Variants in CRIM1 observed in about 807,000 individuals in gnomAD.
CRIM1 encodes cysteine-rich motor neuron 1 protein.
Under a neutral mutation model 116.4 loss-of-function variants are expected in CRIM1, and 32 were observed. The observed-to-expected ratio is 0.27, with a 90% CI of 0.21 to 0.37. The LOEUF (loss-of-function observed/expected upper bound fraction) is 0.37, where lower values mean the gene tolerates loss of function less well. Among genes scored for constraint, CRIM1 ranks in the 10% least tolerant of loss-of-function variants. The pLI is 1.00. For synonymous variants in CRIM1, 590 were observed against 509.2 expected, an observed-to-expected ratio of 1.16 and a Z score of -2.13; for missense variants, 1,331 against 1,354.8, an observed-to-expected ratio of 0.98 and a Z score of 0.28.
At chr2:36,402,947 T>C (rs896580529) in intron 2 of CRIM1, among the ~76,000 whole-genome samples, 2 of 152,180 alleles carry the variant, frequency 1.3e-5, no homozygotes, top group African/African-American at 2.4e-5. Context: ...TGTAATTCAG[T>C]AACTCATTAA....
chr2:36,361,540 G>C (rs1192498506), intron 1 of CRIM1, among the ~76,000 whole-genome samples: 5 of 152,136 alleles, frequency 3.3e-5, no homozygotes, highest in African/African-American at 1.2e-4. Context: ...GAGGTAATGA[G>C]GGGGTGGACT....
In CRIM1 at chr2:36,518,404, T is replaced by C. The variant is rs185866452; in HGVS notation, c.2206+862T>C. On this transcript the variant is annotated intron_variant, in intron 12 of 16. Coordinates refer to ENST00000280527, the MANE Select transcript of CRIM1 (RefSeq NM_016441.3). ...TTCTGCTCAGCAAAACATAAACCCT[T>C]GTATTTTATTACTTCTTTTTTTTAA... Among the ~76,000 whole-genome samples the C allele has an allele frequency of 5.3e-5, 8 of 152,356 alleles. 1 individual carries two copies. Among genetic ancestry groups the C allele is most frequent in the African/African-American group, 1.9e-4 (8 of 41,570 alleles).
chr2:36,371,100 G>A (rs1217998326), intron 1 of CRIM1, among the ~76,000 whole-genome samples: 5 of 152,296 alleles, frequency 3.3e-5, no homozygotes, highest in Non-Finnish European at 7.3e-5. Flanking sequence ...ACTAAGGCCA[G>A]CAACTGGAAA....
chr2:36,442,946 A>G, intron 4 of CRIM1, among the ~76,000 whole-genome samples: 1 of 152,164 alleles, frequency 6.6e-6, no homozygotes, highest in East Asian at 1.9e-4. Context: ...GTTAAACCTT[A>G]TAGATTCTTT....
intron 2 of CRIM1, among the ~76,000 whole-genome samples, chr2:36,400,087 G>T (rs753846919): frequency 6.6e-6 from 1 of 152,182 alleles, no homozygotes; most frequent in Non-Finnish European, 1.5e-5. Flanking sequence ...TAGAAAGAGA[G>T]AGAGGGAGTC....
intron 7 of CRIM1, among the ~76,000 whole-genome samples, chr2:36,482,056 C>G (rs144499787): frequency 1.3e-5 from 2 of 152,304 alleles, no homozygotes; most frequent in East Asian, 3.9e-4. Context: ...CTTCTAGAGC[C>G]TCAGGTCTGG....
chr2:36,454,350 T>C (rs767578327), intron 4 of CRIM1, among the ~76,000 whole-genome samples: 4 of 152,140 alleles, frequency 2.6e-5, no homozygotes, highest in Admixed American at 1.3e-4. Context: ...AAACTGCCAC[T>C]CACACCCCTC....
In CRIM1 at chr2:36,356,124, G is replaced by C. The variant is rs1668775160; in HGVS notation, c.-169G>C. The C allele has an allele frequency of 6.2e-6, 1 of 161,418 alleles. No individual in the cohort carries two copies. The highest frequency in any genetic ancestry group is 1.3e-5 in the Non-Finnish European group (1 of 75,792). The allele number at this position is 161,418 out of a possible 1,614,324, so 10.0% of individuals were successfully genotyped here. A position where few individuals can be genotyped will look rare whatever the true frequency, so the allele number is the denominator to read the frequency against. ...GGGGTCGGCGCGGCCCGCAGAAGGG[G>C]CGGGGGCCTCGCCCCGCGAGGGGAG... On this transcript the variant is annotated 5_prime_UTR_variant, in exon 1 of 17. Transcript: ENST00000280527. This position sits in a 1 kb window ranked among gnomAD's most constrained non-coding sequence, Gnocchi z 4.3.
chr2:36,441,108 T>G, intron 2 of CRIM1, 150 bp from the exon 3 acceptor site: 2 of 1,042,022 alleles, frequency 1.9e-6, no homozygotes, highest in Non-Finnish European at 2.7e-6. Flanking sequence ...TTTTCATTGT[T>G]AGTTAAACTA....
At chr2:36,458,246 A>G (rs1378012107) in intron 4 of CRIM1, among the ~76,000 whole-genome samples, 1 of 152,160 alleles carries the variant, frequency 6.6e-6, no homozygotes, top group African/African-American at 2.4e-5. Flanking sequence ...ACTATGGGGA[A>G]TGTTAGGATA....
intron 2 of CRIM1, among the ~76,000 whole-genome samples, chr2:36,436,531 G>A (rs544764104): frequency 1.1e-4 from 16 of 152,272 alleles, no homozygotes; most frequent in African/African-American, 2.2e-4. Flanking sequence ...TTACTGGCTC[G>A]TAGTAGATTT....
rs537994724 is a variant in CRIM1 at position 36,523,924 on chromosome 2, C to T, written c.2428+1611C>T. Among the ~76,000 whole-genome samples, 7 of 152,272 alleles carry T rather than the reference C, an allele frequency of 4.6e-5. 1 individual carries two copies. The highest frequency in any genetic ancestry group is 1.7e-4 in the African/African-American group (7 of 41,558). On this transcript the variant is annotated intron_variant, in intron 13 of 16. Coordinates refer to ENST00000280527, the MANE Select transcript of CRIM1 (RefSeq NM_016441.3). ...GTGTTGGTATATGAGATGGAAATGCCTGTTCTTAGGAATTTTACACAGATT... is the reference window on the plus strand; with the variant it reads ...GTGTTGGTATATGAGATGGAAATGCTTGTTCTTAGGAATTTTACACAGATT...
At chr2:36,495,456 C>A (rs1012800051) in intron 7 of CRIM1, among the ~76,000 whole-genome samples, 2 of 149,882 alleles carry the variant, frequency 1.3e-5, no homozygotes, top group Non-Finnish European at 3.0e-5. Context: ...CTCCCTCAAG[C>A]CTCTTTATTT....
chr2:36,532,704 C>T lies in CRIM1; in HGVS notation c.2429-4648C>T, dbSNP rs562039051. On this transcript the variant is annotated intron_variant, in intron 13 of 16. Coordinates refer to ENST00000280527, the MANE Select transcript of CRIM1 (RefSeq NM_016441.3). ...TGCTGGCGGACTGTGGAACCAGACC[C>T]GCTGTGGTTCCCCTCCTCACCCTGC... is the stretch of plus-strand genomic sequence containing the variant. 1.9e-4 allele frequency among the ~76,000 whole-genome samples: 29 copies of T among 152,284 alleles called. No individual in the cohort carries two copies. In the East Asian group the frequency reaches 5.0e-3, roughly 26 times the overall value.
intron 14 of CRIM1, among the ~76,000 whole-genome samples, chr2:36,540,836 A>G (rs1666894731): frequency 6.6e-6 from 1 of 152,196 alleles, no homozygotes; most frequent in African/African-American, 2.4e-5. Flanking sequence ...AAATTCAGGT[A>G]GTGGTGGTAG....
chr2:36,379,746 T>C (rs1169293981), intron 1 of CRIM1, among the ~76,000 whole-genome samples: 9 of 148,104 alleles, frequency 6.1e-5, no homozygotes, highest in African/African-American at 2.0e-4. Context: ...TTCTCTCTTT[T>C]TTTTTTTTTT....
chr2:36,461,798 G>A (rs971872815), intron 4 of CRIM1, among the ~76,000 whole-genome samples: 11 of 152,150 alleles, frequency 7.2e-5, no homozygotes. Flanking sequence ...GTATTATGTT[G>A]AAAATAAGGA....
intron 13 of CRIM1, among the ~76,000 whole-genome samples, chr2:36,533,988 GGGAAGGAA>G (rs367705353): frequency 2.0e-5 from 3 of 147,442 alleles, no homozygotes; most frequent in Non-Finnish European, 3.0e-5. Context: ...AGGAGAGAGG[GGGAAGGAA>G]GGAAGGAAGG....
intron 4 of CRIM1, among the ~76,000 whole-genome samples, chr2:36,456,925 C>T (rs1572775356): frequency 6.6e-6 from 1 of 152,012 alleles, no homozygotes; most frequent in Non-Finnish European, 1.5e-5. Context: ...GGGCAGAGTC[C>T]TAGAAGATAA....
Sources: gnomAD v4.1 joint callset for allele counts (sites outside exome capture counted in the v4.1 genomes callset) on GRCh38, gnomAD v4.1.1 for gene constraint, Gnocchi (gnomAD v3.1) non-coding constraint, MANE v1.5 for transcripts, NCBI Gene and HGNC (gene_info 2026-07-23, HGNC 2026-07-21) for gene names.